LYPD6: variants seen among roughly 807,000 people sequenced by gnomAD.
LYPD6 encodes ly6/PLAUR domain-containing protein 6.
In LYPD6, 15 loss-of-function variants were observed where a neutral mutation model predicts 22.7. The ratio of observed to expected loss-of-function variants is 0.66; its 90% CI spans 0.44 to 1.02. The LOEUF (loss-of-function observed/expected upper bound fraction) is 1.02. LYPD6 is among the 50% of genes least tolerant of loss of function. The pLI is 0.00. For synonymous variants in LYPD6, 72 were observed against 77.5 expected, an observed-to-expected ratio of 0.93 and a Z score of 0.37; for missense variants, 189 against 208.4, an observed-to-expected ratio of 0.91 and a Z score of 0.57.
At chr2:149,466,477 A>T (rs1681202969) in intron 3 of LYPD6, among the ~76,000 whole-genome samples, 1 of 152,174 alleles carries the variant, frequency 6.6e-6, no homozygotes, top group South Asian at 2.1e-4. Context: ...TTCTTACTGC[A>T]CTGATCTCCC....
At chr2:149,330,072 C>T (rs1274419492), upstream of LYPD6, 1 of 152,078 alleles carries the variant, frequency 6.6e-6, no homozygotes, top group Non-Finnish European at 1.5e-5. Flanking sequence ...TTCGCGGGGC[C>T]CAGGGGATGG....
chr2:149,412,692 A>G (rs1427321174), intron 1 of LYPD6, among the ~76,000 whole-genome samples: 3 of 152,202 alleles, frequency 2.0e-5, no homozygotes, highest in Non-Finnish European at 4.4e-5. Flanking sequence ...AGTTTTCAAT[A>G]TTGCATTGTG....
intron 1 of LYPD6, among the ~76,000 whole-genome samples, chr2:149,401,910 G>T (rs188626974): frequency 3.3e-5 from 5 of 149,824 alleles, no homozygotes; most frequent in Non-Finnish European, 3.0e-5. Context: ...TCATTCTTAC[G>T]CCTTTGCATC....
chr2:149,391,366 T>C (rs1682304925), intron 1 of LYPD6, among the ~76,000 whole-genome samples: 1 of 152,150 alleles, frequency 6.6e-6, no homozygotes. Flanking sequence ...CAACTCCCTT[T>C]TTTCCCCCCC....
chr2:149,362,914 T>C (rs1681598365), intron 1 of LYPD6, among the ~76,000 whole-genome samples: 1 of 152,176 alleles, frequency 6.6e-6, no homozygotes, highest in Non-Finnish European at 1.5e-5. Flanking sequence ...GCTTCATCTT[T>C]AGCGACAAGG....
chr2:149,452,697 C>T (rs1680862698), intron 3 of LYPD6, among the ~76,000 whole-genome samples: 1 of 152,212 alleles, frequency 6.6e-6, no homozygotes, highest in South Asian at 2.1e-4. Flanking sequence ...TTAGGGGATT[C>T]ACTGAATGTC....
At chr2:149,442,264 G>C (rs1486819626) in intron 2 of LYPD6, among the ~76,000 whole-genome samples, 1 of 152,106 alleles carries the variant, frequency 6.6e-6, no homozygotes, top group Non-Finnish European at 1.5e-5. Flanking sequence ...TTCTCACCAC[G>C]GTTCTGGTAA....
chr2:149,341,044 TGCGTTTATATA>T, intron 1 of LYPD6, among the ~76,000 whole-genome samples: 2 of 152,332 alleles, frequency 1.3e-5, no homozygotes, highest in Middle Eastern at 6.8e-3. Flanking sequence ...AGTAATATCC[TGCGTTTATATA>T]GTGGCTTTTC....
At chr2:149,390,229 C>T (rs567126530) in intron 1 of LYPD6, among the ~76,000 whole-genome samples, 1 of 152,290 alleles carries the variant, frequency 6.6e-6, no homozygotes, top group East Asian at 1.9e-4. Context: ...GTCCTTCAGC[C>T]CCACCATTTA....
intron 3 of LYPD6, among the ~76,000 whole-genome samples, chr2:149,456,287 A>G (rs149246113): frequency 1.3e-5 from 2 of 152,114 alleles, no homozygotes; most frequent in African/African-American, 4.8e-5. Flanking sequence ...TGAACTTTGA[A>G]GTATAATGTA....
chr2:149,406,323 G>T (rs1231499948), intron 1 of LYPD6, among the ~76,000 whole-genome samples: 3 of 151,566 alleles, frequency 2.0e-5, no homozygotes, highest in Non-Finnish European at 4.4e-5. Context: ...GTCTAATGTT[G>T]ACAGTGGGGT....
At chr2:149,479,047 G>T (rs562375066), downstream of LYPD6, among the ~76,000 whole-genome samples, 34 of 152,180 alleles carry the variant, frequency 2.2e-4, no homozygotes, top group Admixed American at 2.2e-3. Context: ...TACCAGTCCA[G>T]TCTGTCCTCA....
intron 1 of LYPD6, among the ~76,000 whole-genome samples, chr2:149,410,326 T>C (rs1436997422): frequency 1.3e-5 from 2 of 152,204 alleles, no homozygotes; most frequent in East Asian, 3.8e-4. Context: ...TTTGTGCCAG[T>C]ATACGTGAAT....
chr2:149,409,870 C>G (rs1449687279), intron 1 of LYPD6, among the ~76,000 whole-genome samples: 1 of 152,120 alleles, frequency 6.6e-6, no homozygotes, highest in African/African-American at 2.4e-5. Context: ...AGAAAAGAAG[C>G]AGCAGAATCA....
intron 3 of LYPD6, among the ~76,000 whole-genome samples, chr2:149,463,902 T>C (rs1681141312): frequency 6.6e-6 from 1 of 152,008 alleles, no homozygotes; most frequent in Non-Finnish European, 1.5e-5. Flanking sequence ...GATGTGACTA[T>C]AAAAGGTCAA....
intron 1 of LYPD6, among the ~76,000 whole-genome samples, chr2:149,335,837 A>G (rs1681024781): frequency 6.6e-6 from 1 of 152,214 alleles, no homozygotes; most frequent in African/African-American, 2.4e-5. Flanking sequence ...TTAGTGCAGT[A>G]ACATACTGCA....
intron 1 of LYPD6, among the ~76,000 whole-genome samples, chr2:149,382,860 T>C (rs1482541727): frequency 1.3e-5 from 2 of 152,286 alleles, no homozygotes; most frequent in Admixed American, 1.3e-4. Flanking sequence ...TAAGATAGAT[T>C]AAGTTTTCTT....
upstream of LYPD6, chr2:149,330,023 G>A (rs1424207516): frequency 1.3e-5 from 2 of 152,158 alleles, no homozygotes; most frequent in African/African-American, 4.8e-5. Flanking sequence ...CCCTGGGTTC[G>A]GAGCTTCACT....
intron 1 of LYPD6, among the ~76,000 whole-genome samples, chr2:149,436,849 G>C (rs767844860): frequency 1.3e-5 from 2 of 152,174 alleles, no homozygotes; most frequent in Non-Finnish European, 2.9e-5. Context: ...CCAAAGTGCT[G>C]GGATTACAGG....
Sources: allele counts gnomAD v4.1 joint callset (sites outside exome capture counted in the v4.1 genomes callset), GRCh38; gene constraint gnomAD v4.1.1; transcripts MANE v1.5; gene names NCBI Gene and HGNC (gene_info 2026-07-23, HGNC 2026-07-21).